EFHC1: variants seen among roughly 807,000 people sequenced by gnomAD.
The protein encoded by EFHC1 is EF-hand domain containing 1.
A neutral mutation model predicts 69.9 loss-of-function variants in EFHC1; 53 were observed. The ratio of observed to expected loss-of-function variants is 0.76; its 90% CI spans 0.61 to 0.95. The LOEUF is 0.95. Ranked by LOEUF, EFHC1 falls within the 40% of genes least tolerant of loss-of-function variation. The pLI, the probability that EFHC1 is intolerant of heterozygous loss-of-function variation, is 0.00. For synonymous variants in EFHC1, 256 were observed against 278.4 expected (o/e 0.92, Z 0.80); for missense variants, 739 against 798.7 (o/e 0.93, Z 0.90).
intron 3 of EFHC1, among the ~76,000 whole-genome samples, chr6:52,443,249 C>T (rs1456310959): frequency 6.6e-6 from 1 of 152,176 alleles, no homozygotes; most frequent in Non-Finnish European, 1.5e-5. Context: ...CCTGTTCACT[C>T]AGATGGTAGT....
intron 9 of EFHC1, chr6:52,487,630 G>A (rs1765813790): frequency 1.3e-5 from 2 of 152,160 alleles, no homozygotes; most frequent in African/African-American, 4.8e-5. Flanking sequence ...CATTTTCTAA[G>A]TGGAGGACTT....
chr6:52,475,416 G>A (rs1384206187), intron 7 of EFHC1, among the ~76,000 whole-genome samples: 4 of 152,226 alleles, frequency 2.6e-5, no homozygotes, highest in African/African-American at 9.6e-5. Flanking sequence ...CTAAATCCTA[G>A]TAGGCAATTG....
chr6:52,426,187 A>G (rs574716214), intron 2 of EFHC1, among the ~76,000 whole-genome samples: 3 of 152,300 alleles, frequency 2.0e-5, no homozygotes, highest in Non-Finnish European at 4.4e-5. Context: ...TTGACTGTCA[A>G]ATCACTTACA....
At chr6:52,447,498 A>G (rs992144204) in intron 3 of EFHC1, among the ~76,000 whole-genome samples, 4 of 152,104 alleles carry the variant, frequency 2.6e-5, no homozygotes, top group Admixed American at 6.6e-5. Flanking sequence ...CTTCTTTGCG[A>G]TGGGTTCGAA....
chr6:52,426,472 C>T (rs1764303217), intron 2 of EFHC1, among the ~76,000 whole-genome samples: 1 of 152,136 alleles, frequency 6.6e-6, no homozygotes. Context: ...GGCTCTATCT[C>T]ATTCTTTATA....
At chr6:52,423,735 G>A (rs1396871922) in intron 1 of EFHC1, 1 of 1,098,176 alleles carries the variant, frequency 9.1e-7, no homozygotes, top group Non-Finnish European at 1.3e-6. Flanking sequence ...CGAACTCTGG[G>A]GCTGAAGTGA....
At chr6:52,483,567 A>T (rs1463949941) in intron 9 of EFHC1, 2 of 152,204 alleles carry the variant, frequency 1.3e-5, no homozygotes, top group Admixed American at 1.3e-4. Context: ...TTCCAGGAAA[A>T]GGGTGGTAAC....
intron 5 of EFHC1, among the ~76,000 whole-genome samples, chr6:52,459,514 C>G (rs1272988817): frequency 6.6e-6 from 1 of 152,218 alleles, no homozygotes; most frequent in Non-Finnish European, 1.5e-5. Context: ...TAAGATACTA[C>G]TGTATACCCA....
At chr6:52,464,254 A>G (rs1049776653) in intron 5 of EFHC1, among the ~76,000 whole-genome samples, 1 of 152,216 alleles carries the variant, frequency 6.6e-6, no homozygotes, top group Non-Finnish European at 1.5e-5. Context: ...TTATTCCCAC[A>G]TGAATGGATT....
intron 2 of EFHC1, among the ~76,000 whole-genome samples, chr6:52,427,571 T>G (rs1764328800): frequency 2.0e-5 from 3 of 152,018 alleles, no homozygotes; most frequent in Admixed American, 2.0e-4. Flanking sequence ...TTTTTTCCCC[T>G]TTGCAGCACT....
chr6:52,469,265 A>C (rs1765380633), intron 6 of EFHC1, 68 bp from the exon 7 acceptor site: 2 of 1,588,824 alleles, frequency 1.3e-6, no homozygotes, highest in Admixed American at 3.4e-5. Context: ...TTAAACTTAT[A>C]GTTACCTTTA....
chr6:52,422,177 A>C (rs1414349799), intron 1 of EFHC1, among the ~76,000 whole-genome samples: 2 of 152,202 alleles, frequency 1.3e-5, no homozygotes, highest in African/African-American at 4.8e-5. Flanking sequence ...CATAATGGAC[A>C]AGAGGGGTGG....
chr6:52,468,889 C>A, intron 6 of EFHC1: 1 of 186,790 alleles, frequency 5.4e-6, no homozygotes, highest in Non-Finnish European at 1.1e-5. Flanking sequence ...TTTAATAGTC[C>A]TTTGTTGTTG....
Position 52,492,365 on chromosome 6 carries a change from C to A in EFHC1, c.*24C>A. 6 of 1,605,326 alleles carry A rather than the reference C, an allele frequency of 3.7e-6. No homozygotes were observed. The highest frequency in any genetic ancestry group is 5.1e-6 in the Non-Finnish European group (6 of 1,172,486). On this transcript the variant is annotated 3_prime_UTR_variant, in exon 11 of 11. Transcript: ENST00000371068. ...GACCTGCTGATGAGAAAATGCAAGA[C>A]AATTTTTGATACTGGAACTATGCTT...
At chr6:52,490,722 C>G (rs901506628) in intron 10 of EFHC1, 4 of 393,318 alleles carry the variant, frequency 1.0e-5, no homozygotes, top group Non-Finnish European at 1.8e-5. Context: ...CAGCTGATAC[C>G]TACACTGGCC....
intron 7 of EFHC1, among the ~76,000 whole-genome samples, chr6:52,470,345 C>T (rs1016595491): frequency 6.6e-6 from 1 of 152,088 alleles, no homozygotes; most frequent in Admixed American, 6.5e-5. Flanking sequence ...AGAATTCTGA[C>T]CAATAAAGGT....
rs772265107 is a variant in EFHC1 at position 52,490,165 on chromosome 6, G to C, written c.1666G>C (p.Val556Leu). 2 of 1,613,818 alleles carry C rather than the reference G, an allele frequency of 1.2e-6. No homozygotes were observed. The highest frequency in any genetic ancestry group is 1.7e-5 in the Admixed American group (1 of 59,972). Reference sequence around the variant, plus strand: ...CAAGCAAACTGAAAAGGATCCAGGCGTGCAGGAATTGGAAGCATTAATAGA... The same window carrying C: ...CAAGCAAACTGAAAAGGATCCAGGCCTGCAGGAATTGGAAGCATTAATAGA... ...ESKQTEKDPG[V>L]QELEALIDTI... Residue 556 changes from valine (V) to leucine (L), a missense_variant, in exon 10 of 11, where the codon GTG (valine) becomes CTG (leucine). Transcript: ENST00000371068.
intron 1 of EFHC1, 120 bp from the exon 2 acceptor site, chr6:52,423,826 G>T (rs1300507889): frequency 6.5e-7 from 1 of 1,539,950 alleles, no homozygotes; most frequent in South Asian, 1.2e-5. Context: ...TAAGCTTCTT[G>T]ATGTAAGTTT....
intron 3 of EFHC1, among the ~76,000 whole-genome samples, chr6:52,449,112 G>C (rs934571129): frequency 6.6e-6 from 1 of 152,140 alleles, no homozygotes; most frequent in African/African-American, 2.4e-5. Context: ...GGCTGGGTGC[G>C]GTGGCTCACG....
Sources: gnomAD v4.1 joint callset for allele counts (sites outside exome capture counted in the v4.1 genomes callset) on GRCh38, gnomAD v4.1.1 for gene constraint, MANE v1.5 for transcripts, NCBI Gene and HGNC (gene_info 2026-07-23, HGNC 2026-07-21) for gene names.